Variants in GTF3C2 observed in about 807,000 individuals in gnomAD.
The protein encoded by GTF3C2 is general transcription factor 3C polypeptide 2.
Under a neutral mutation model 117.4 loss-of-function variants are expected in GTF3C2, and 17 were observed. The ratio of observed to expected loss-of-function variants is 0.14; its 90% CI spans 0.10 to 0.22. The LOEUF is 0.22. Among genes scored for constraint, GTF3C2 ranks in the 10% least tolerant of loss-of-function variants. The pLI is 1.00. For synonymous variants in GTF3C2, 437 were observed against 427.0 expected (o/e 1.02, Z -0.29); for missense variants, 888 against 1,143.6 (o/e 0.78, Z 3.22).
At chr2:27,343,062 G>A (rs753718901) in exon 3 of GTF3C2, 2 of 1,613,774 alleles carry the variant, frequency 1.2e-6, no homozygotes, top group South Asian at 2.2e-5. Flanking sequence ...GGGGCCTTTT[G>A]GGGCCTTTTC....
intron 4 of GTF3C2, chr2:27,340,049 T>G (rs998231748): frequency 6.6e-6 from 1 of 151,406 alleles, no homozygotes; most frequent in African/African-American, 2.4e-5. Flanking sequence ...CTCCCCACCT[T>G]TGCCCCTCCC....
chr2:27,350,499 G>C (rs1681091986), intron 1 of GTF3C2: 1 of 985,476 alleles, frequency 1.0e-6, no homozygotes, highest in African/African-American at 1.7e-5. Context: ...ACAGCTGCTG[G>C]CTCAAGAATC....
chr2:27,341,215 T>C (rs926172203), intron 4 of GTF3C2, among the ~76,000 whole-genome samples: 2 of 151,976 alleles, frequency 1.3e-5, no homozygotes, highest in African/African-American at 4.8e-5. Flanking sequence ...TTTGTATTTT[T>C]AGGAGAGACG....
rs1039143973 is a variant in GTF3C2, at chr2:27,329,048, C to A, written c.2039+73G>T. 3.9e-6 allele frequency: 6 copies of A among 1,552,148 alleles called. No homozygotes were observed. The African/African-American group carries it at 8.1e-5, about 21-fold the overall frequency. On this transcript the variant is annotated intron_variant, in intron 14 of 18. Transcript: ENST00000264720. The surrounding 1 kb of genome is among the most constrained non-coding windows in gnomAD (Gnocchi z 4.5). ...CCAACTCTCTACCCTCCTCTCCCCA[C>A]AACAATCTGGCATGCTTTGCATTCC...
chr2:27,348,878 C>T (rs534938904), intron 1 of GTF3C2, among the ~76,000 whole-genome samples: 95 of 152,202 alleles, frequency 6.2e-4, no homozygotes, highest in Non-Finnish European at 1.0e-3. Flanking sequence ...CTCTTGTCAC[C>T]CAGGCTGGAG....
At chr2:27,350,067 ACTT>A (rs931490248) in intron 1 of GTF3C2, among the ~76,000 whole-genome samples, 67 of 152,270 alleles carry the variant, frequency 4.4e-4, no homozygotes, top group African/African-American at 1.5e-3. Flanking sequence ...CAGAACAATA[ACTT>A]CTTTTAATCA....
exon 3 of GTF3C2, chr2:27,343,121 A>C (rs759295330): frequency 6.3e-7 from 1 of 1,590,556 alleles, no homozygotes; most frequent in Middle Eastern, 1.7e-4. Flanking sequence ...CTAGGCTTTG[A>C]GACCTTTGAC....
At chr2:27,338,085 C>T (rs1024071487) in intron 4 of GTF3C2, 65 bp from the exon 5 acceptor site, 4 of 943,400 alleles carry the variant, frequency 4.2e-6, no homozygotes, top group African/African-American at 3.2e-5. Context: ...GTCCCAGAGA[C>T]AGCTCTTTCC....
In GTF3C2 at chr2:27,332,827, T is replaced by G. The variant is rs547914658; in HGVS notation, c.1732+828A>C. Among the ~76,000 whole-genome samples the G allele has an allele frequency of 3.3e-5, 5 of 152,118 alleles. No homozygotes were observed. In the South Asian group the frequency reaches 1.0e-3, roughly 32 times the overall value. On this transcript the variant is annotated intron_variant, in intron 12 of 18. Transcript: ENST00000264720. ...GTCTCCCAGCTTCAAGCGATTCTCC[T>G]GCCTCAGCCTCCCCAGTAGTTGGGA...
intron 1 of GTF3C2, among the ~76,000 whole-genome samples, chr2:27,354,565 G>A (rs1278816108): frequency 6.6e-6 from 1 of 152,074 alleles, no homozygotes; most frequent in Non-Finnish European, 1.5e-5. Flanking sequence ...GACTAGCCTG[G>A]CCAACATGGT....
intron 1 of GTF3C2, chr2:27,356,050 T>G (rs1681363008): frequency 8.0e-7 from 1 of 1,247,698 alleles, no homozygotes; most frequent in Non-Finnish European, 1.1e-6. Context: ...TGACTTAAAA[T>G]TGTATATGCC....
Position 27,329,735 on chromosome 2 carries a change from G to GT in GTF3C2, c.1733-213dup, listed in dbSNP as rs1680214556. 6.6e-6 allele frequency among the ~76,000 whole-genome samples: 1 copy of GT among 152,146 alleles called. No individual in the cohort carries two copies. The highest frequency in any genetic ancestry group is 1.5e-5 in the Non-Finnish European group (1 of 68,020). On this transcript the variant is annotated intron_variant, in intron 12 of 18. Coordinates refer to ENST00000264720, the Ensembl canonical transcript of GTF3C2. The surrounding 1 kb of genome is among the most constrained non-coding windows in gnomAD (Gnocchi z 4.5). ...AACCCTAATTCTCATCAACAAAAAA[G>GT]TAATAGCTTTGTCTGGAATCTACAG...
chr2:27,337,198 T>TTAA (rs1242169341), intron 7 of GTF3C2, 46 bp downstream of exon 7: 2 of 1,134,114 alleles, frequency 1.8e-6, no homozygotes, highest in Non-Finnish European at 2.6e-6. Flanking sequence ...TTTTTCTTGT[T>TTAA]TCTGGCTCCT....
In GTF3C2 at chr2:27,329,662, A is replaced by G; in HGVS notation, c.1733-139T>C. ...ATGAAAGGATGTGGGGATCCTGATT[A>G]GCTATCCAACACTCCCTCCAGGGCT... On this transcript the variant is annotated intron_variant, in intron 12 of 18. Coordinates refer to ENST00000264720, the Ensembl canonical transcript of GTF3C2. This position sits in a 1 kb window ranked among gnomAD's most constrained non-coding sequence, Gnocchi z 4.5. 1 of 762,800 alleles carries G rather than the reference A, an allele frequency of 1.3e-6. No homozygotes were observed. Among genetic ancestry groups the G allele is most frequent in the Non-Finnish European group, 2.1e-6 (1 of 466,180 alleles). The allele number at this position is 762,800 out of a possible 1,614,324, so 47.3% of individuals were successfully genotyped here.
chr2:27,338,161 T>G (rs898775219), intron 4 of GTF3C2, 141 bp from the exon 5 acceptor site: 59 of 668,366 alleles, frequency 8.8e-5, no homozygotes, highest in Non-Finnish European at 1.3e-5. Flanking sequence ...CTTAAAAGAT[T>G]TGTGTTTCAA....
At chr2:27,342,957 C>T in exon 3 of GTF3C2, 1 of 1,614,220 alleles carries the variant, frequency 6.2e-7, no homozygotes, top group Non-Finnish European at 8.5e-7. Flanking sequence ...CTGCCTTGGA[C>T]TTTCGACCTC....
intron 4 of GTF3C2, among the ~76,000 whole-genome samples, chr2:27,341,234 C>A (rs934128563): frequency 3.3e-5 from 5 of 151,998 alleles, no homozygotes; most frequent in African/African-American, 1.2e-4. Flanking sequence ...CGGGGTTTCA[C>A]TATATTGGTC....
Position 27,350,443 on chromosome 2 carries a change from G to A in GTF3C2, c.-25+6296C>T, listed in dbSNP as rs952944676. 4 of 985,414 alleles carry A rather than the reference G, an allele frequency of 4.1e-6. No individual in the cohort carries two copies. In the African/African-American group the frequency reaches 5.2e-5, roughly 13 times the overall value. 61.0% of individuals were successfully genotyped at this position (985,414 alleles called of 1,614,324 possible). On this transcript the variant is annotated intron_variant, in intron 1 of 18. Coordinates refer to ENST00000264720, the Ensembl canonical transcript of GTF3C2. ...CACGATGAGGGTTGAGGGAAAAACA[G>A]TTGGTAGGAACAAGTGCTTATCAAA...
intron 9 of GTF3C2, 30 bp downstream of exon 9, chr2:27,335,887 A>C: frequency 7.0e-7 from 1 of 1,422,370 alleles, no homozygotes; most frequent in Non-Finnish European, 9.9e-7. Flanking sequence ...TTTGAGTCCT[A>C]GGGCCATCCC....
Sources: gnomAD v4.1 joint callset for allele counts (sites outside exome capture counted in the v4.1 genomes callset) on GRCh38, gnomAD v4.1.1 for gene constraint, Gnocchi (gnomAD v3.1) non-coding constraint, MANE v1.5 for transcripts, NCBI Gene and HGNC (gene_info 2026-07-23, HGNC 2026-07-21) for gene names.